RIPOR3: variants seen among roughly 807,000 people sequenced by gnomAD.
RIPOR3 encodes RIPOR family member 3, also known as family with sequence similarity 65 member C.
Under a neutral mutation model 114.3 loss-of-function variants are expected in RIPOR3, and 95 were observed. The ratio of observed to expected loss-of-function variants is 0.83; its 90% CI spans 0.70 to 0.99. The LOEUF is 0.99. RIPOR3 is among the 50% of genes least tolerant of loss of function. The pLI, the probability that RIPOR3 is intolerant of heterozygous loss-of-function variation, is 0.00. For synonymous variants in RIPOR3, 575 were observed against 543.8 expected (o/e 1.06, Z -0.80); for missense variants, 1,252 against 1,266.9 (o/e 0.99, Z 0.18).
intron 2 of RIPOR3, among the ~76,000 whole-genome samples, chr20:50,625,096 G>T (rs1247746385): frequency 1.3e-5 from 2 of 150,842 alleles, no homozygotes; most frequent in East Asian, 1.9e-4. Context: ...ATTGAGACAA[G>T]GTCTTGCTCT....
rs1473343687 is a variant in RIPOR3 at position 50,679,123 on chromosome 20, A to ATATAT, written c.3+12002_3+12003insATATA. Among the ~76,000 whole-genome samples, 5 of 79,172 alleles carry ATATAT rather than the reference A, an allele frequency of 6.3e-5. No individual in the cohort carries two copies. In the East Asian group the frequency reaches 1.2e-3, roughly 19 times the overall value. The allele number at this position is 79,172 out of a possible 152,430, so 51.9% of individuals were successfully genotyped here. A position where few individuals can be genotyped will look rare whatever the true frequency, so the allele number is the denominator to read the frequency against. On this transcript the variant is annotated intron_variant, in intron 1 of 21. Coordinates refer to ENST00000327979, the MANE Select transcript of RIPOR3 (RefSeq NM_001290268.2). ...CTGTCTCAAAAAAAAAAAAAAAAAAAAAAAAAAAAAAAATATATATATATA... is the reference window on the plus strand; with the variant it reads ...CTGTCTCAAAAAAAAAAAAAAAAAAATATATAAAAAAAAAAAAATATATATATATA...
At chr20:50,608,862 C>G in intron 9 of RIPOR3, 50 bp downstream of exon 9, 1 of 1,605,428 alleles carries the variant, frequency 6.2e-7, no homozygotes, top group Non-Finnish European at 8.5e-7. Context: ...TCCCGTCCCC[C>G]AAAGACCTGG....
At chr20:50,640,858 T>G (rs1402406164) in intron 1 of RIPOR3, among the ~76,000 whole-genome samples, 2 of 152,136 alleles carry the variant, frequency 1.3e-5, no homozygotes, top group Admixed American at 1.3e-4. Flanking sequence ...AAATGTGTTA[T>G]TATATAAGAG....
Position 50,590,815 on chromosome 20 carries a change from CTT to C in RIPOR3, c.2578-1048_2578-1047del, listed in dbSNP as rs11476746. On this transcript the variant is annotated intron_variant, in intron 19 of 21. Coordinates refer to ENST00000327979, the MANE Select transcript of RIPOR3 (RefSeq NM_001290268.2). ...AGTCTGTCACATGAAGATGAAGGCCCTTTTTTTTTTTTTTTTTGAGACAGAGT... is the reference window on the plus strand; with the variant it reads ...AGTCTGTCACATGAAGATGAAGGCCCTTTTTTTTTTTTTTTGAGACAGAGT... Among the ~76,000 whole-genome samples the C allele has an allele frequency of 3.4e-3, 449 of 131,624 alleles. 2 individuals carry two copies. The highest frequency in any genetic ancestry group is 0.013 in the East Asian group (56 of 4,352). The allele number at this position is 131,624 out of a possible 152,430, so 86.4% of individuals were successfully genotyped here.
At chr20:50,681,055 GTC>G (rs796759187) in intron 1 of RIPOR3, among the ~76,000 whole-genome samples, 13 of 151,838 alleles carry the variant, frequency 8.6e-5, no homozygotes, top group African/African-American at 3.1e-4. Flanking sequence ...TGAGACCCCA[GTC>G]TCTGCAAAAA....
intron 2 of RIPOR3, among the ~76,000 whole-genome samples, chr20:50,628,269 G>C (rs2123229062): frequency 6.6e-6 from 1 of 152,234 alleles, no homozygotes; most frequent in Admixed American, 6.5e-5. Context: ...TCTGGAGCCT[G>C]GGTCAAATTC....
chr20:50,604,042 T>A (rs573236871), intron 12 of RIPOR3, among the ~76,000 whole-genome samples: 29 of 151,866 alleles, frequency 1.9e-4, no homozygotes, highest in Non-Finnish European at 3.7e-4. Context: ...ATTAGCCAGA[T>A]GTGGTGGCGT....
At chr20:50,611,910 G>A (rs1158821005) in intron 4 of RIPOR3, among the ~76,000 whole-genome samples, 1 of 152,090 alleles carries the variant, frequency 6.6e-6, no homozygotes, top group African/African-American at 2.4e-5. Flanking sequence ...GATCACTTGA[G>A]GTCAGGAGTT....
chr20:50,651,398 C>T (rs6012987), intron 1 of RIPOR3, among the ~76,000 whole-genome samples: 3 of 152,326 alleles, frequency 2.0e-5, no homozygotes, highest in African/African-American at 7.2e-5. Flanking sequence ...TCTGGACCAA[C>T]ACAGCTGTGA....
At chr20:50,638,370 G>A (rs2085064113) in intron 1 of RIPOR3, among the ~76,000 whole-genome samples, 1 of 152,208 alleles carries the variant, frequency 6.6e-6, no homozygotes, top group South Asian at 2.1e-4. Context: ...GGGATCCAGG[G>A]AGGCCGCTTC....
intron 20 of RIPOR3, among the ~76,000 whole-genome samples, chr20:50,588,846 C>T (rs1252517150): frequency 2.6e-5 from 4 of 151,078 alleles, no homozygotes; most frequent in African/African-American, 9.7e-5. Flanking sequence ...TTTGGGAGGC[C>T]GAGGCGGGCA....
intron 2 of RIPOR3, among the ~76,000 whole-genome samples, chr20:50,625,575 T>C (rs1286000206): frequency 6.6e-6 from 1 of 152,166 alleles, no homozygotes; most frequent in African/African-American, 2.4e-5. Flanking sequence ...TAATGGCTGC[T>C]ATTTCGTTTT....
intron 1 of RIPOR3, among the ~76,000 whole-genome samples, chr20:50,658,357 G>A (rs1308368718): frequency 6.6e-6 from 1 of 152,192 alleles, no homozygotes; most frequent in East Asian, 1.9e-4. Context: ...ACAAGGACAA[G>A]TGATGTATGA....
chr20:50,610,944 C>T (rs1248276740), intron 5 of RIPOR3, 38 bp from the exon 6 acceptor site: 1 of 1,613,950 alleles, frequency 6.2e-7, no homozygotes, highest in Non-Finnish European at 8.5e-7. Flanking sequence ...GCAAAGTTGC[C>T]TGGGCCACCC....
At chr20:50,608,230 C>T (rs568401957) in intron 11 of RIPOR3, among the ~76,000 whole-genome samples, 159 bp downstream of exon 11, 31 of 152,218 alleles carry the variant, frequency 2.0e-4, no homozygotes, top group African/African-American at 7.0e-4. Flanking sequence ...TTCTAGGCCT[C>T]GACCTGACTG....
chr20:50,596,312 C>T (rs1240503220), intron 14 of RIPOR3, 49 bp from the exon 15 acceptor site: 3 of 1,610,790 alleles, frequency 1.9e-6, no homozygotes, highest in South Asian at 2.2e-5. Context: ...CAGTTCAGCT[C>T]CCTCTGAGGG....
Position 50,691,233 on chromosome 20 carries a change from C to G in RIPOR3, c.-105G>C, listed in dbSNP as rs2087202800. The G allele has an allele frequency of 1.6e-6, 2 of 1,279,064 alleles. No homozygotes were observed. The highest frequency in any genetic ancestry group is 1.2e-5 in the South Asian group (1 of 80,658). The allele number at this position is 1,279,064 out of a possible 1,614,324, so 79.2% of individuals were successfully genotyped here. A position where few individuals can be genotyped will look rare whatever the true frequency, so the allele number is the denominator to read the frequency against. On this transcript the variant is annotated 5_prime_UTR_variant, in exon 1 of 22. Coordinates refer to ENST00000327979, the MANE Select transcript of RIPOR3 (RefSeq NM_001290268.2). ...GTCTGCTCCCATCTGGCCCGGGACT[C>G]CCGGACTCGAGCTAGGGCTCTGCAA... is the stretch of plus-strand genomic sequence containing the variant.
Position 50,624,129 on chromosome 20 carries a change from A to T in RIPOR3, c.123-3997T>A, listed in dbSNP as rs566129084. 3.9e-5 allele frequency among the ~76,000 whole-genome samples: 6 copies of T among 152,190 alleles called. No homozygotes were observed. In the East Asian group the frequency reaches 1.2e-3, roughly 29 times the overall value. ...TGGGATTGCAGGCATGAGCCACTGC[A>T]CCCAGCCATTTGTATATATTTAATG... is the stretch of plus-strand genomic sequence containing the variant. On this transcript the variant is annotated intron_variant, in intron 2 of 21. Coordinates refer to ENST00000327979, the MANE Select transcript of RIPOR3 (RefSeq NM_001290268.2).
intron 1 of RIPOR3, among the ~76,000 whole-genome samples, chr20:50,634,958 G>A (rs6020655): frequency 0.017 from 2,523 of 152,242 alleles, 81 homozygotes; most frequent in African/African-American, 0.058. Context: ...ACCTGAATCC[G>A]GGAGGCAGAG....
Sources: gnomAD v4.1 joint callset for allele counts (sites outside exome capture counted in the v4.1 genomes callset) on GRCh38, gnomAD v4.1.1 for gene constraint, MANE v1.5 for transcripts, NCBI Gene and HGNC (gene_info 2026-07-23, HGNC 2026-07-21) for gene names.